PCDHAC1: variants seen among roughly 807,000 people sequenced by gnomAD.
PCDHAC1 encodes the protein protocadherin alpha subfamily C, 1, also known as protocadherin alpha-C1.
PCDHAC1 carries 42 observed loss-of-function variants against 60.0 expected under a neutral mutation model. The observed-to-expected ratio is 0.70, with a 90% CI of 0.55 to 0.90. The LOEUF (loss-of-function observed/expected upper bound fraction) is 0.90, where lower values mean the gene tolerates loss of function less well. Ranked by LOEUF, PCDHAC1 falls within the 40% of genes least tolerant of loss-of-function variation. The probability of loss-of-function intolerance (pLI) is 0.00; values close to 1 mark genes in which losing one functional copy is unlikely to be tolerated. For synonymous variants in PCDHAC1, 468 were observed against 499.3 expected, an observed-to-expected ratio of 0.94 and a Z score of 0.84; for missense variants, 1,160 against 1,222.3, an observed-to-expected ratio of 0.95 and a Z score of 0.76.
At chr5:140,975,017 G>A (rs1474947976) in intron 1 of PCDHAC1, among the ~76,000 whole-genome samples, 1 of 152,154 alleles carries the variant, frequency 6.6e-6, no homozygotes, top group Non-Finnish European at 1.5e-5. Flanking sequence ...ACACAGCTGG[G>A]CTGTGTTGTC....
intron 1 of PCDHAC1, among the ~76,000 whole-genome samples, chr5:140,972,657 CA>C (rs1342092810): frequency 2.8e-5 from 4 of 143,798 alleles, no homozygotes; most frequent in South Asian, 4.5e-4. Context: ...AAAAAGAAAC[CA>C]AATTTTTTTT....
chr5:140,939,613 A>T (rs2092423002), intron 1 of PCDHAC1, among the ~76,000 whole-genome samples: 1 of 152,232 alleles, frequency 6.6e-6, no homozygotes, highest in African/African-American at 2.4e-5. Context: ...CAGAACAAGG[A>T]GACAAAAGAA....
chr5:140,947,249 C>T (rs1178030042), intron 1 of PCDHAC1, among the ~76,000 whole-genome samples: 3 of 151,204 alleles, frequency 2.0e-5, no homozygotes, highest in African/African-American at 7.3e-5. Flanking sequence ...TAAGATAATC[C>T]AATGTACCAT....
At position 140,937,762 on chromosome 5, in the gene PCDHAC1, A is replaced by T. The variant is rs955142751; in HGVS notation, c.2433+8437A>T. Among the ~76,000 whole-genome samples, 6 of 151,868 alleles carry T rather than the reference A, an allele frequency of 4.0e-5. No individual in the cohort carries two copies. The South Asian group carries it at 6.2e-4, about 16-fold the overall frequency. On this transcript the variant is annotated intron_variant, in intron 1 of 3. Coordinates refer to ENST00000253807, the MANE Select transcript of PCDHAC1 (RefSeq NM_018898.5). ...CCCGTCTCTACTAAAAATACAAAAA[A>T]TTAGTCGGGCGTGGTGGCGGGCGTA... is the stretch of plus-strand genomic sequence containing the variant.
intron 1 of PCDHAC1, chr5:140,968,944 G>C (rs782732835): frequency 1.2e-6 from 2 of 1,614,152 alleles, no homozygotes; most frequent in Non-Finnish European, 8.5e-7. Context: ...TCATCATTTT[G>C]AGCATCATCA....
chr5:140,934,534 G>A (rs1248269957), intron 1 of PCDHAC1, among the ~76,000 whole-genome samples: 1 of 152,062 alleles, frequency 6.6e-6, no homozygotes, highest in Admixed American at 6.6e-5. Flanking sequence ...GAGAGCTACC[G>A]TTCTAATTCT....
chr5:140,967,793 G>A (rs1447753881), intron 1 of PCDHAC1: 24 of 1,614,080 alleles, frequency 1.5e-5, no homozygotes, highest in Non-Finnish European at 1.9e-5. Flanking sequence ...CCGGGGTCCA[G>A]TGCCCATGGC....
At chr5:140,959,331 T>C (rs1170663171) in intron 1 of PCDHAC1, among the ~76,000 whole-genome samples, 1 of 152,072 alleles carries the variant, frequency 6.6e-6, no homozygotes. Flanking sequence ...GTTTTGATTA[T>C]GCTACTGCAC....
chr5:140,955,324 T>G (rs1358791050), intron 1 of PCDHAC1, among the ~76,000 whole-genome samples: 8 of 152,186 alleles, frequency 5.3e-5, no homozygotes, highest in Non-Finnish European at 8.8e-5. Flanking sequence ...CCTTGAATTG[T>G]AGTTCCCATA....
At chr5:140,948,313 G>T (rs1554218515) in intron 1 of PCDHAC1, among the ~76,000 whole-genome samples, 2 of 151,362 alleles carry the variant, frequency 1.3e-5, no homozygotes, top group Non-Finnish European at 3.0e-5. Flanking sequence ...TCTTCTTGAG[G>T]GGTAATGTTT....
At chr5:140,967,792 A>G (rs371669028) in intron 1 of PCDHAC1, 4 of 1,614,212 alleles carry the variant, frequency 2.5e-6, no homozygotes, top group Non-Finnish European at 3.4e-6. Context: ...ACCGGGGTCC[A>G]GTGCCCATGG....
At chr5:140,949,544 T>A (rs981428881) in intron 1 of PCDHAC1, among the ~76,000 whole-genome samples, 1 of 151,908 alleles carries the variant, frequency 6.6e-6, no homozygotes, top group Non-Finnish European at 1.5e-5. Flanking sequence ...TATCGATTTG[T>A]TGCTGGTCAT....
chr5:140,975,216 G>A (rs1349439819), intron 1 of PCDHAC1, among the ~76,000 whole-genome samples: 1 of 152,198 alleles, frequency 6.6e-6, no homozygotes, highest in Non-Finnish European at 1.5e-5. Context: ...TGGCACTGGA[G>A]AATCTTCCCT....
At chr5:140,993,817 T>C (rs1467199618) in intron 3 of PCDHAC1, among the ~76,000 whole-genome samples, 2 of 152,240 alleles carry the variant, frequency 1.3e-5, no homozygotes, top group Non-Finnish European at 2.9e-5. Context: ...CTAGGAGCAA[T>C]AGGCTATACC....
intron 1 of PCDHAC1, among the ~76,000 whole-genome samples, chr5:140,932,575 G>A (rs1554208974): frequency 6.6e-6 from 1 of 151,674 alleles, no homozygotes; most frequent in South Asian, 2.1e-4. Context: ...TTTCCCATAG[G>A]GTAATTAGAT....
intron 3 of PCDHAC1, among the ~76,000 whole-genome samples, chr5:140,993,781 A>T (rs1587593339): frequency 6.6e-6 from 1 of 152,216 alleles, no homozygotes; most frequent in African/African-American, 2.4e-5. Flanking sequence ...TATTTTGTAC[A>T]GTAACATGCT....
intron 3 of PCDHAC1, among the ~76,000 whole-genome samples, chr5:140,990,438 T>C (rs2097393735): frequency 2.0e-5 from 3 of 152,222 alleles, no homozygotes; most frequent in Admixed American, 2.0e-4. Context: ...CCCAATCTTG[T>C]GTCCAGAGCT....
At chr5:140,933,833 A>C (rs944428844) in intron 1 of PCDHAC1, among the ~76,000 whole-genome samples, 1 of 151,928 alleles carries the variant, frequency 6.6e-6, no homozygotes, top group Non-Finnish European at 1.5e-5. Flanking sequence ...TATTGCTCCT[A>C]TTTCATTCCT....
At chr5:140,957,900 G>A (rs2095395670) in intron 1 of PCDHAC1, among the ~76,000 whole-genome samples, 1 of 151,932 alleles carries the variant, frequency 6.6e-6, no homozygotes, top group South Asian at 2.1e-4. Flanking sequence ...CATCAACCAA[G>A]GCATATTGTT....
Sources: gnomAD v4.1 joint callset for allele counts (sites outside exome capture counted in the v4.1 genomes callset) on GRCh38, gnomAD v4.1.1 for gene constraint, MANE v1.5 for transcripts, NCBI Gene and HGNC (gene_info 2026-07-23, HGNC 2026-07-21) for gene names.